The following MICU1 variants were observed in gnomAD, a reference collection of about 807,000 sequenced individuals.
MICU1 encodes mitochondrial calcium uptake 1, also known as calcium uptake protein 1, mitochondrial.
Under a neutral mutation model 56.8 loss-of-function variants are expected in MICU1, and 45 were observed. The observed-to-expected ratio is 0.79, with a 90% CI of 0.62 to 1.02. The LOEUF (loss-of-function observed/expected upper bound fraction) is 1.02. Among genes scored for constraint, MICU1 ranks in the 50% least tolerant of loss-of-function variants. MICU1 has a pLI of 0.00. For synonymous variants in MICU1, 186 were observed against 195.1 expected (o/e 0.95, Z 0.39); for missense variants, 504 against 587.1 (o/e 0.86, Z 1.46).
intron 6 of MICU1, among the ~76,000 whole-genome samples, chr10:72,484,369 T>C (rs1489226255): frequency 7.2e-6 from 1 of 138,790 alleles, no homozygotes; most frequent in Non-Finnish European, 1.6e-5. Context: ...AACACAGAAT[T>C]AAAAAAAAAA....
chr10:72,381,684 G>A (rs538698817), intron 10 of MICU1, among the ~76,000 whole-genome samples: 2 of 152,182 alleles, frequency 1.3e-5, no homozygotes, highest in Non-Finnish European at 2.9e-5. Flanking sequence ...CTAACTTCCA[G>A]GACACACCAC....
At chr10:72,509,685 T>C (rs759427934) in intron 5 of MICU1, among the ~76,000 whole-genome samples, 4 of 152,202 alleles carry the variant, frequency 2.6e-5, no homozygotes, top group Admixed American at 6.5e-5. Flanking sequence ...GGCATAGTCC[T>C]GCTTGATAGC....
At chr10:72,598,959 A>C (rs867226865) in intron 1 of MICU1, among the ~76,000 whole-genome samples, 1 of 152,018 alleles carries the variant, frequency 6.6e-6, no homozygotes, top group South Asian at 2.1e-4. Context: ...AGCCTCACTG[A>C]TATTTCTCAA....
intron 8 of MICU1, among the ~76,000 whole-genome samples, chr10:72,434,239 A>G (rs1457383631): frequency 6.6e-6 from 1 of 152,172 alleles, no homozygotes; most frequent in Admixed American, 6.5e-5. Context: ...AAACATTTAC[A>G]TAGCACTTAT....
chr10:72,523,153 G>A (rs531939605), intron 5 of MICU1, among the ~76,000 whole-genome samples: 11 of 152,120 alleles, frequency 7.2e-5, no homozygotes, highest in Admixed American at 2.0e-4. Context: ...TCCAAGTCCA[G>A]CCATTGTAAA....
chr10:72,556,381 C>T (rs1199353104), intron 3 of MICU1, among the ~76,000 whole-genome samples: 1 of 152,066 alleles, frequency 6.6e-6, no homozygotes, highest in Non-Finnish European at 1.5e-5. Context: ...ACTCTTGTTG[C>T]CCAGGCTGCA....
At chr10:72,612,381 C>T (rs1231120158) in intron 1 of MICU1, among the ~76,000 whole-genome samples, 3 of 152,018 alleles carry the variant, frequency 2.0e-5, no homozygotes, top group Non-Finnish European at 1.5e-5. Flanking sequence ...AACATGCAGT[C>T]GAAAAGGAAG....
chr10:72,623,300 CAAAA>C lies in MICU1; in HGVS notation c.-2+2706_-2+2709del, dbSNP rs1164753291. On this transcript the variant is annotated intron_variant, in intron 1 of 11. Transcript: ENST00000361114. ...GACAAGACAGAGCGAGACTCCGTCTCAAAAAAAAAAAAAAAAAAAAAGACAAGAA... is the reference window on the plus strand; with the variant it reads ...GACAAGACAGAGCGAGACTCCGTCTCAAAAAAAAAAAAAAAAAGACAAGAA... Among the ~76,000 whole-genome samples the C allele has an allele frequency of 4.6e-4, 26 of 55,926 alleles. No homozygotes were observed. In the South Asian group the frequency reaches 5.7e-3, roughly 12 times the overall value. The allele number at this position is 55,926 out of a possible 152,430, so 36.7% of individuals were successfully genotyped here. A position where few individuals can be genotyped will look rare whatever the true frequency, so the allele number is the denominator to read the frequency against.
intron 8 of MICU1, among the ~76,000 whole-genome samples, chr10:72,469,445 T>A (rs908030340): frequency 2.6e-5 from 4 of 152,228 alleles, no homozygotes; most frequent in Non-Finnish European, 1.5e-5. Context: ...ATGATGAGAT[T>A]ATATTTCATA....
chr10:72,404,934 TCTTG>T (rs1863577674), intron 10 of MICU1, among the ~76,000 whole-genome samples: 1 of 152,146 alleles, frequency 6.6e-6, no homozygotes, highest in Admixed American at 6.6e-5. Context: ...TGAGATGGAG[TCTTG>T]CTCTGCTACC....
chr10:72,569,603 A>C (rs1237469302), intron 1 of MICU1, among the ~76,000 whole-genome samples: 5 of 152,082 alleles, frequency 3.3e-5, no homozygotes, highest in African/African-American at 1.2e-4. Flanking sequence ...AAAAAAGATA[A>C]AGTTGAGACT....
chr10:72,450,020 A>C (rs1283371634), intron 8 of MICU1, among the ~76,000 whole-genome samples: 1 of 152,148 alleles, frequency 6.6e-6, no homozygotes, highest in African/African-American at 2.4e-5. Context: ...TATTTCCTGA[A>C]AATCTGGTTT....
At chr10:72,518,960 C>T (rs1278831218) in intron 5 of MICU1, among the ~76,000 whole-genome samples, 1 of 152,204 alleles carries the variant, frequency 6.6e-6, no homozygotes, top group Non-Finnish European at 1.5e-5. Flanking sequence ...GGATTACAGG[C>T]GTGAGCCACT....
intron 6 of MICU1, among the ~76,000 whole-genome samples, chr10:72,484,833 G>C (rs940860104): frequency 6.6e-6 from 1 of 152,174 alleles, no homozygotes; most frequent in African/African-American, 2.4e-5. Flanking sequence ...TCTCAGACAT[G>C]CAAGGACTTT....
At chr10:72,506,381 A>G (rs1010323993) in intron 6 of MICU1, among the ~76,000 whole-genome samples, 1 of 152,224 alleles carries the variant, frequency 6.6e-6, no homozygotes, top group African/African-American at 2.4e-5. Flanking sequence ...ATTTGCTACA[A>G]CTACTTACAA....
chr10:72,528,102 AGGCCTGAGCCTCTG>A (rs1868017142), intron 5 of MICU1, among the ~76,000 whole-genome samples: 1 of 152,250 alleles, frequency 6.6e-6, no homozygotes, highest in African/African-American at 2.4e-5. Context: ...CCGCGATTAC[AGGCCTGAGCCTCTG>A]GGCCTAGCCC....
intron 3 of MICU1, 109 bp downstream of exon 3, chr10:72,562,786 A>C: frequency 1.0e-6 from 1 of 966,178 alleles, no homozygotes; most frequent in Non-Finnish European, 1.4e-6. Context: ...AAGAAGTGAT[A>C]ACTTGAAAGT....
At chr10:72,414,119 T>C (rs1224345672) in intron 9 of MICU1, among the ~76,000 whole-genome samples, 4 of 152,174 alleles carry the variant, frequency 2.6e-5, no homozygotes, top group Non-Finnish European at 5.9e-5. Context: ...ATTTCACTCC[T>C]AGGAATCTTC....
At chr10:72,373,374 G>A (rs933150947) in intron 11 of MICU1, among the ~76,000 whole-genome samples, 5 of 151,878 alleles carry the variant, frequency 3.3e-5, no homozygotes, top group Admixed American at 6.6e-5. Context: ...ATGGGATCTC[G>A]CTATGTTGCC....
Sources: allele counts gnomAD v4.1 joint callset (sites outside exome capture counted in the v4.1 genomes callset), GRCh38; gene constraint gnomAD v4.1.1; transcripts MANE v1.5; gene names NCBI Gene and HGNC (gene_info 2026-07-23, HGNC 2026-07-21).